The following OPCML variants were observed in gnomAD, a reference collection of about 807,000 sequenced individuals.
OPCML encodes opioid-binding protein/cell adhesion molecule.
OPCML carries 13 observed loss-of-function variants against 37.8 expected under a neutral mutation model. That is an observed-to-expected ratio of 0.34 (90% confidence interval 0.22 to 0.55). The LOEUF (loss-of-function observed/expected upper bound fraction) is 0.55, where lower values mean the gene tolerates loss of function less well. Among genes scored for constraint, OPCML ranks in the 20% least tolerant of loss-of-function variants. OPCML has a pLI of 0.91. For missense variants in OPCML, 341 were observed against 435.6 expected, an observed-to-expected ratio of 0.78 and a Z score of 1.93; for synonymous variants, 176 against 168.8, an observed-to-expected ratio of 1.04 and a Z score of -0.33.
chr11:132,824,400 C>G (rs1940176388), intron 2 of OPCML, among the ~76,000 whole-genome samples: 1 of 152,204 alleles, frequency 6.6e-6, no homozygotes, highest in African/African-American at 2.4e-5. Flanking sequence ...CTCTGCTACC[C>G]TTCCTAAGCC....
intron 1 of OPCML, among the ~76,000 whole-genome samples, chr11:133,128,214 A>G (rs372114167): frequency 3.5e-4 from 53 of 152,266 alleles, no homozygotes; most frequent in African/African-American, 1.2e-3. Flanking sequence ...GAAGAGTGCC[A>G]AATGCATTGG....
intron 2 of OPCML, among the ~76,000 whole-genome samples, chr11:132,712,351 G>A (rs1944301762): frequency 6.7e-6 from 1 of 150,260 alleles, no homozygotes; most frequent in Non-Finnish European, 1.5e-5. Context: ...GAGCTTGCCC[G>A]TCTCTGTGGA....
intron 1 of OPCML, among the ~76,000 whole-genome samples, chr11:133,099,442 CTTTTTTTTTTT>C (rs35161811): frequency 8.4e-6 from 1 of 119,484 alleles, no homozygotes; most frequent in African/African-American, 3.2e-5. Flanking sequence ...TTCTTTTTTT[CTTTTTTTTTTT>C]TTTTTTTGTA....
chr11:132,479,721 AC>A (rs970807520), intron 4 of OPCML, among the ~76,000 whole-genome samples: 7 of 152,096 alleles, frequency 4.6e-5, no homozygotes, highest in South Asian at 2.1e-4. Context: ...CTGACCCCTG[AC>A]CCCCAAGCAG....
At chr11:133,058,182 T>C (rs1264301930) in intron 1 of OPCML, among the ~76,000 whole-genome samples, 1 of 152,206 alleles carries the variant, frequency 6.6e-6, no homozygotes, top group African/African-American at 2.4e-5. Flanking sequence ...AGTAGCATTA[T>C]TAAAGTTATC....
chr11:132,992,278 C>T (rs1946797138), intron 1 of OPCML, among the ~76,000 whole-genome samples: 1 of 152,034 alleles, frequency 6.6e-6, no homozygotes, highest in Non-Finnish European at 1.5e-5. Context: ...CACACACATA[C>T]ACACTCACTC....
intron 1 of OPCML, among the ~76,000 whole-genome samples, chr11:133,181,392 G>A (rs1158962683): frequency 1.3e-5 from 2 of 151,900 alleles, no homozygotes; most frequent in African/African-American, 2.4e-5. Context: ...TGGGTAAAAG[G>A]GACACAGGAT....
At chr11:133,014,318 GT>G (rs953606365) in intron 1 of OPCML, among the ~76,000 whole-genome samples, 8 of 149,384 alleles carry the variant, frequency 5.4e-5, no homozygotes, top group Middle Eastern at 3.5e-3. Context: ...TAAGCTGCTT[GT>G]TTTTTTTTTC....
chr11:132,956,517 T>C (rs1328168939), intron 1 of OPCML, among the ~76,000 whole-genome samples: 1 of 152,192 alleles, frequency 6.6e-6, no homozygotes, highest in Non-Finnish European at 1.5e-5. Flanking sequence ...AGCATTTTTA[T>C]TGTAGGTTTT....
intron 1 of OPCML, among the ~76,000 whole-genome samples, chr11:133,351,692 C>T (rs1944140901): frequency 6.6e-6 from 1 of 152,062 alleles, no homozygotes; most frequent in Non-Finnish European, 1.5e-5. Context: ...AACCTATATC[C>T]TTAACCCAGT....
At chr11:133,491,805 C>G (rs974904579) in intron 1 of OPCML, among the ~76,000 whole-genome samples, 3 of 152,120 alleles carry the variant, frequency 2.0e-5, no homozygotes, top group African/African-American at 7.2e-5. Flanking sequence ...ATTCAGTTAG[C>G]AGAGCCGAAA....
intron 1 of OPCML, among the ~76,000 whole-genome samples, chr11:133,210,469 CT>C (rs1318256746): frequency 3.9e-5 from 6 of 152,116 alleles, no homozygotes; most frequent in African/African-American, 1.4e-4. Flanking sequence ...GGTTCTTTCT[CT>C]GATGAAGTTC....
In OPCML at chr11:133,030,657, C is replaced by T. The variant is rs564196414; in HGVS notation, c.62-87647G>A. ...GCAGCCCCCTGCTTCATCAACTTTA[C>T]CTAGAATTAATATGCTAGCTAGAAT... On this transcript the variant is annotated intron_variant, in intron 1 of 7. Transcript: ENST00000524381. Among the ~76,000 whole-genome samples, 25 of 152,216 alleles carry T rather than the reference C, an allele frequency of 1.6e-4. No individual in the cohort carries two copies. The South Asian group carries it at 2.5e-3, about 15-fold the overall frequency.
intron 1 of OPCML, among the ~76,000 whole-genome samples, chr11:133,141,089 A>G (rs1410925278): frequency 3.9e-5 from 5 of 127,090 alleles, no homozygotes; most frequent in African/African-American, 1.4e-4. Flanking sequence ...GAAGAAGAAG[A>G]AGAAGGAGAA....
chr11:133,421,390 A>G, intron 1 of OPCML: 1 of 985,442 alleles, frequency 1.0e-6, no homozygotes, highest in Non-Finnish European at 1.2e-6. Context: ...CGGAGACCAG[A>G]AGAAGAGAAA....
chr11:133,010,800 T>A (rs1449442109), intron 1 of OPCML, among the ~76,000 whole-genome samples: 1 of 152,160 alleles, frequency 6.6e-6, no homozygotes, highest in Admixed American at 6.5e-5. Flanking sequence ...CAAGTTGATA[T>A]TCAAGGGAGA....
At chr11:132,725,160 C>T (rs1033646667) in intron 2 of OPCML, among the ~76,000 whole-genome samples, 4 of 152,214 alleles carry the variant, frequency 2.6e-5, no homozygotes, top group African/African-American at 9.7e-5. Context: ...CAGAGGTTCT[C>T]CATGAGAGCC....
At chr11:132,660,834 A>C (rs55720713) in intron 2 of OPCML, among the ~76,000 whole-genome samples, 8,035 of 152,214 alleles carry the variant, frequency 0.053, 284 homozygotes, top group Non-Finnish European at 0.078. Context: ...AAAGCCAAAG[A>C]AGTTTATCTC....
chr11:132,514,848 G>A (rs2096276360), intron 4 of OPCML, among the ~76,000 whole-genome samples: 1 of 152,116 alleles, frequency 6.6e-6, no homozygotes, highest in African/African-American at 2.4e-5. Context: ...AGAGCACCAC[G>A]GCCCTATGAT....
Sources: gnomAD v4.1 joint callset for allele counts (sites outside exome capture counted in the v4.1 genomes callset) on GRCh38, gnomAD v4.1.1 for gene constraint, MANE v1.5 for transcripts, NCBI Gene and HGNC (gene_info 2026-07-23, HGNC 2026-07-21) for gene names.